PARD3: variants seen among roughly 807,000 people sequenced by gnomAD.
The protein encoded by PARD3 is partitioning defective 3 homolog.
PARD3 carries 75 observed loss-of-function variants against 155.4 expected under a neutral mutation model. The observed-to-expected ratio is 0.48, with a 90% CI of 0.40 to 0.58. PARD3 has a LOEUF of 0.58. Among genes scored for constraint, PARD3 ranks in the 20% least tolerant of loss-of-function variants. The pLI is 0.00. For synonymous variants in PARD3, 576 were observed against 610.5 expected, an observed-to-expected ratio of 0.94 and a Z score of 0.83; for missense variants, 1,642 against 1,721.7, an observed-to-expected ratio of 0.95 and a Z score of 0.82.
At chr10:34,424,075 C>G (rs1480435085) in intron 5 of PARD3, among the ~76,000 whole-genome samples, 19 of 152,068 alleles carry the variant, frequency 1.2e-4, no homozygotes, top group Admixed American at 1.2e-3. Flanking sequence ...TCTATATTTG[C>G]AAGTGTTGTT....
At chr10:34,550,702 G>C (rs747649525) in intron 2 of PARD3, among the ~76,000 whole-genome samples, 1 of 152,104 alleles carries the variant, frequency 6.6e-6, no homozygotes, top group Non-Finnish European at 1.5e-5. Flanking sequence ...AGATAATTAG[G>C]ATTTCCTTCC....
At chr10:34,346,036 A>T (rs1417578026) in intron 15 of PARD3, 82 of 985,252 alleles carry the variant, frequency 8.3e-5, no homozygotes, top group Non-Finnish European at 9.8e-5. Flanking sequence ...GCCTACCCTT[A>T]AATAGTAACG....
chr10:34,176,507 C>T (rs1036714405), intron 22 of PARD3, among the ~76,000 whole-genome samples: 2 of 152,202 alleles, frequency 1.3e-5, no homozygotes, highest in Admixed American at 1.3e-4. Context: ...ATTGTTTCCA[C>T]TTTGAGGAAT....
intron 2 of PARD3, among the ~76,000 whole-genome samples, chr10:34,526,141 G>A (rs1417713613): frequency 7.1e-6 from 1 of 141,326 alleles, no homozygotes; most frequent in Non-Finnish European, 1.5e-5. Flanking sequence ...AGGTCTTAAC[G>A]AGATAAACCA....
intron 1 of PARD3, among the ~76,000 whole-genome samples, chr10:34,784,430 ATTTT>A: frequency 6.8e-6 from 1 of 146,576 alleles, no homozygotes; most frequent in Non-Finnish European, 1.5e-5. Context: ...CTCTCCTGGT[ATTTT>A]CCAACATACT....
At chr10:34,440,008 C>T (rs529701392) in intron 5 of PARD3, among the ~76,000 whole-genome samples, 3 of 152,136 alleles carry the variant, frequency 2.0e-5, no homozygotes, top group East Asian at 1.9e-4. Flanking sequence ...CAGGCCTCAG[C>T]GGTGGGAAGA....
intron 2 of PARD3, among the ~76,000 whole-genome samples, chr10:34,605,444 C>A (rs996016110): frequency 6.8e-6 from 1 of 146,600 alleles, no homozygotes; most frequent in Admixed American, 6.9e-5. Flanking sequence ...CCGCCCACCT[C>A]GGCCTCCCAA....
At chr10:34,331,888 T>C (rs1443440307) in intron 18 of PARD3, among the ~76,000 whole-genome samples, 5 of 152,080 alleles carry the variant, frequency 3.3e-5, no homozygotes, top group Non-Finnish European at 7.3e-5. Context: ...GGGGCCAACA[T>C]GTCACCAAAA....
intron 1 of PARD3, among the ~76,000 whole-genome samples, chr10:34,737,230 C>A (rs2094932274): frequency 1.3e-5 from 2 of 152,210 alleles, no homozygotes; most frequent in Admixed American, 1.3e-4. Context: ...TCAAAGGTAT[C>A]TCATGCATAC....
Position 34,534,002 on chromosome 10 carries a change from A to G in PARD3, c.223-16843T>C, listed in dbSNP as rs11009811. On this transcript the variant is annotated intron_variant, in intron 2 of 24. Coordinates refer to ENST00000374788, the MANE Select transcript of PARD3 (RefSeq NM_001184785.2). ...AGAGATAATAAACACCCCCATTTCCATGAAAGGCTGCACTTCAATTTCCAC... is the reference window on the plus strand; with the variant it reads ...AGAGATAATAAACACCCCCATTTCCGTGAAAGGCTGCACTTCAATTTCCAC... Among the ~76,000 whole-genome samples, 1,378 of 152,238 alleles carry G rather than the reference A, an allele frequency of 9.1e-3. 13 individuals carry two copies. The highest frequency in any genetic ancestry group is 0.032 in the African/African-American group (1,313 of 41,548).
intron 2 of PARD3, among the ~76,000 whole-genome samples, chr10:34,680,329 C>T (rs529657109): frequency 2.0e-3 from 308 of 152,062 alleles, no homozygotes; most frequent in African/African-American, 4.0e-3. Flanking sequence ...GAGGCCGAGG[C>T]GGGCTGATCA....
At chr10:34,415,064 G>T (rs923968331) in intron 5 of PARD3, among the ~76,000 whole-genome samples, 1 of 152,142 alleles carries the variant, frequency 6.6e-6, no homozygotes, top group African/African-American at 2.4e-5. Context: ...GCCATGATCA[G>T]GAAGAAGAAC....
intron 5 of PARD3, among the ~76,000 whole-genome samples, chr10:34,417,780 G>A (rs1845809797): frequency 1.3e-5 from 2 of 152,250 alleles, no homozygotes; most frequent in South Asian, 4.1e-4. Flanking sequence ...GGTACAAAGA[G>A]AAATACCCTT....
chr10:34,488,122 C>T (rs6481899), intron 3 of PARD3, among the ~76,000 whole-genome samples: 3,364 of 152,142 alleles, frequency 0.022, 66 homozygotes, highest in Admixed American at 0.056. Context: ...TCAGGATGTG[C>T]GTTTGAAGCT....
chr10:34,553,949 T>C (rs1255768861), intron 2 of PARD3, among the ~76,000 whole-genome samples: 1 of 152,240 alleles, frequency 6.6e-6, no homozygotes, highest in Non-Finnish European at 1.5e-5. Flanking sequence ...AGACTAGTGA[T>C]GCATTTAATG....
chr10:34,197,852 C>T (rs569149615), intron 22 of PARD3, among the ~76,000 whole-genome samples: 49 of 152,336 alleles, frequency 3.2e-4, no homozygotes, highest in African/African-American at 1.2e-3. Context: ...GCCCCAGCCT[C>T]CCGAGCAGCG....
chr10:34,262,146 GA>G (rs1955059923), intron 22 of PARD3, among the ~76,000 whole-genome samples: 1 of 151,942 alleles, frequency 6.6e-6, no homozygotes, highest in East Asian at 1.9e-4. Context: ...TACATCTACT[GA>G]ATCAAAATAT....
chr10:34,681,756 ATATATATATATATTTTTTTTTTTTTT>A (rs2093837842), intron 2 of PARD3, among the ~76,000 whole-genome samples: 5 of 18,934 alleles, frequency 2.6e-4, no homozygotes, highest in African/African-American at 1.4e-3. Flanking sequence ...ATATATATAT[ATATATATATATATTTTTTTTTTTTTT>A]TTTTTTTTTT....
chr10:34,513,224 T>C (rs2081504036), intron 3 of PARD3, among the ~76,000 whole-genome samples: 2 of 152,198 alleles, frequency 1.3e-5, no homozygotes, highest in Non-Finnish European at 2.9e-5. Flanking sequence ...GGAAATAGTA[T>C]GCATCTAGTT....
Sources: allele counts gnomAD v4.1 joint callset (sites outside exome capture counted in the v4.1 genomes callset), GRCh38; gene constraint gnomAD v4.1.1; transcripts MANE v1.5; gene names NCBI Gene and HGNC (gene_info 2026-07-23, HGNC 2026-07-21).